Variants in FMN2 observed in about 807,000 individuals in gnomAD.
FMN2 encodes the protein formin 2.
FMN2 carries 51 observed loss-of-function variants against 142.3 expected under a neutral mutation model. That is an observed-to-expected ratio of 0.36 (90% CI 0.29 to 0.45). The LOEUF (loss-of-function observed/expected upper bound fraction) is 0.45, where lower values mean the gene tolerates loss of function less well. Ranked by LOEUF, FMN2 falls within the 20% of genes least tolerant of loss-of-function variation. FMN2 has a pLI of 1.00. For missense variants in FMN2, 1,936 were observed against 2,122.8 expected (o/e 0.91, Z 1.73); for synonymous variants, 882 against 869.8 (o/e 1.01, Z -0.25).
chr1:240,184,384 C>A (rs559549450), intron 3 of FMN2, among the ~76,000 whole-genome samples: 29 of 151,416 alleles, frequency 1.9e-4, no homozygotes, highest in African/African-American at 4.1e-4. Flanking sequence ...CTGCAGGTGC[C>A]CACCACCAGG....
At chr1:240,269,569 A>G (rs530590251) in intron 7 of FMN2, among the ~76,000 whole-genome samples, 1 of 151,984 alleles carries the variant, frequency 6.6e-6, no homozygotes, top group Admixed American at 6.6e-5. Context: ...TATTTTTTCT[A>G]TTTCTGTGAA....
At chr1:240,225,233 G>C (rs1667258181) in intron 6 of FMN2, among the ~76,000 whole-genome samples, 1 of 152,154 alleles carries the variant, frequency 6.6e-6, no homozygotes, top group African/African-American at 2.4e-5. Flanking sequence ...GGAGCAACTG[G>C]AGAGGGAAAA....
intron 16 of FMN2, among the ~76,000 whole-genome samples, chr1:240,465,616 C>G (rs913112206): frequency 6.6e-6 from 1 of 152,134 alleles, no homozygotes; most frequent in African/African-American, 2.4e-5. Context: ...CTGGGAGATT[C>G]CATAGGCGAA....
At chr1:240,134,758 T>C (rs1263802894) in intron 2 of FMN2, among the ~76,000 whole-genome samples, 1 of 152,218 alleles carries the variant, frequency 6.6e-6, no homozygotes, top group African/African-American at 2.4e-5. Flanking sequence ...TGACTCTGTA[T>C]TGGATCTCTT....
intron 3 of FMN2, among the ~76,000 whole-genome samples, chr1:240,184,928 A>ACTTTCCCCCTCCTATACCTGCCCCTTCT (rs1665340745): frequency 1.2e-5 from 1 of 83,148 alleles, no homozygotes; most frequent in African/African-American, 4.7e-5. Context: ...TGTTCCCTTT[A>ACTTTCCCCCTCCTATACCTGCCCCTTCT]CTTTCTCCCT....
Position 240,177,915 on chromosome 1 carries a change from A to T in FMN2, c.1783-6A>T. 1 of 1,548,262 alleles carries T rather than the reference A, an allele frequency of 6.5e-7. No homozygotes were observed. The highest frequency in any genetic ancestry group is 8.7e-7 in the Non-Finnish European group (1 of 1,153,198). ...GCATTTCAACATTTTTTATTTTTAA[A>T]TATAGCAAGATCAACTTTATACCTG... On this transcript the variant is annotated splice_region_variant and splice_polypyrimidine_tract_variant and intron_variant, in intron 2 of 17. Transcript: ENST00000319653.
At chr1:240,192,299 T>C (rs1665729355) in intron 4 of FMN2, among the ~76,000 whole-genome samples, 1 of 152,034 alleles carries the variant, frequency 6.6e-6, no homozygotes, top group Non-Finnish European at 1.5e-5. Context: ...AGAAACAAAG[T>C]TTGAAGAGCA....
intron 8 of FMN2, among the ~76,000 whole-genome samples, chr1:240,312,403 T>G (rs1332579416): frequency 6.6e-6 from 1 of 152,212 alleles, no homozygotes; most frequent in African/African-American, 2.4e-5. Context: ...TACAGCAACA[T>G]GCACCTTGTC....
chr1:240,226,494 A>T (rs1327256967), intron 6 of FMN2, among the ~76,000 whole-genome samples: 3 of 151,422 alleles, frequency 2.0e-5, no homozygotes, highest in Non-Finnish European at 4.4e-5. Context: ...AACTGAGAGA[A>T]TTTGTTGCTA....
chr1:240,306,135 A>G (rs565876388), intron 8 of FMN2, among the ~76,000 whole-genome samples: 1 of 151,980 alleles, frequency 6.6e-6, no homozygotes, highest in South Asian at 2.1e-4. Context: ...TTTTTAGTAG[A>G]GATGGTGTTT....
intron 15 of FMN2, among the ~76,000 whole-genome samples, chr1:240,437,563 A>C (rs940901868): frequency 2.6e-5 from 4 of 152,134 alleles, no homozygotes; most frequent in Admixed American, 6.5e-5. Flanking sequence ...TGGCCTCCCA[A>C]AGTGCTGGGA....
rs1203607429 is a variant in FMN2, at chr1:240,114,655, TC to T, written c.1616-8523del. ...ATGGTGATTTTCTAATTATATCATT[TC>T]TTTTTTTTTTTTTTTTTTGAGACAG... is the stretch of plus-strand genomic sequence containing the variant. On this transcript the variant is annotated intron_variant, in intron 1 of 17. Transcript: ENST00000319653. Among the ~76,000 whole-genome samples the T allele has an allele frequency of 3.0e-4, 44 of 147,026 alleles. 4 individuals are homozygous for T. The highest frequency in any genetic ancestry group is 5.9e-4 in the East Asian group (3 of 5,120).
chr1:240,350,979 G>A (rs1176144708), intron 13 of FMN2, among the ~76,000 whole-genome samples: 1 of 152,194 alleles, frequency 6.6e-6, no homozygotes. Context: ...ACAAAGAACT[G>A]TTGAGTGCAT....
At chr1:240,105,501 T>A (rs1661574271) in intron 1 of FMN2, among the ~76,000 whole-genome samples, 1 of 152,232 alleles carries the variant, frequency 6.6e-6, no homozygotes, top group Non-Finnish European at 1.5e-5. Flanking sequence ...AATTCATAGA[T>A]TAAATTGAGG....
chr1:240,173,830 G>A (rs1664805370), intron 2 of FMN2, among the ~76,000 whole-genome samples: 2 of 152,116 alleles, frequency 1.3e-5, no homozygotes, highest in Non-Finnish European at 2.9e-5. Flanking sequence ...AGATACTTTT[G>A]TTTGTTTATA....
At chr1:240,226,811 C>CACACACACACACACACACACAT in intron 6 of FMN2, among the ~76,000 whole-genome samples, 1 of 62,554 alleles carries the variant, frequency 1.6e-5, no homozygotes. Flanking sequence ...ACTTTAGTGA[C>CACACACACACACACACACACAT]ACACACACAC....
chr1:240,333,626 G>A (rs1417593553), intron 11 of FMN2, among the ~76,000 whole-genome samples: 1 of 151,948 alleles, frequency 6.6e-6, no homozygotes, highest in African/African-American at 2.4e-5. Context: ...CTAATTGAGG[G>A]GGGTAACAGT....
chr1:240,443,492 C>T (rs1675695659), intron 16 of FMN2, among the ~76,000 whole-genome samples: 1 of 152,140 alleles, frequency 6.6e-6, no homozygotes, highest in Non-Finnish European at 1.5e-5. Flanking sequence ...GAGGCCAGCA[C>T]TTTGGGAGGC....
chr1:240,240,989 T>G (rs1356573610), intron 6 of FMN2, among the ~76,000 whole-genome samples: 1 of 152,222 alleles, frequency 6.6e-6, no homozygotes, highest in African/African-American at 2.4e-5. Context: ...GCATATTTTC[T>G]TTTTGCTTTA....
Sources: allele counts gnomAD v4.1 joint callset (sites outside exome capture counted in the v4.1 genomes callset), GRCh38; gene constraint gnomAD v4.1.1; transcripts MANE v1.5; gene names NCBI Gene and HGNC (gene_info 2026-07-23, HGNC 2026-07-21).